Variants in LINGO2 observed in about 807,000 individuals in gnomAD.
The protein encoded by LINGO2 is leucine rich repeat and Ig domain containing 2, also known as leucine-rich repeat and immunoglobulin-like domain-containing nogo receptor-interacting protein 2.
Under a neutral mutation model 30.6 loss-of-function variants are expected in LINGO2, and 14 were observed. The observed-to-expected ratio is 0.46, with a 90% CI of 0.30 to 0.72. The LOEUF (loss-of-function observed/expected upper bound fraction) is 0.72. Among genes scored for constraint, LINGO2 ranks in the 30% least tolerant of loss-of-function variants. The probability of loss-of-function intolerance (pLI) is 0.07; values close to 1 mark genes in which losing one functional copy is unlikely to be tolerated. For synonymous variants in LINGO2, 317 were observed against 288.5 expected (o/e 1.10, Z -1.00); for missense variants, 729 against 751.7 (o/e 0.97, Z 0.35).
At chr9:28,285,398 A>ATTTTTTTTTTTTTTTTT (rs34034595) in intron 4 of LINGO2, among the ~76,000 whole-genome samples, 1 of 76,166 alleles carries the variant, frequency 1.3e-5, no homozygotes, top group Non-Finnish European at 2.3e-5. Flanking sequence ...GCCCAAGATC[A>ATTTTTTTTTTTTTTTTT]TTTTTTTTTT....
chr9:28,591,803 C>T (rs1037514759), intron 1 of LINGO2, among the ~76,000 whole-genome samples: 1 of 152,058 alleles, frequency 6.6e-6, no homozygotes. Flanking sequence ...TTATTTGATG[C>T]CTGGAGACTT....
At chr9:28,057,521 GTA>G (rs1360465792) in intron 4 of LINGO2, among the ~76,000 whole-genome samples, 1 of 94,670 alleles carries the variant, frequency 1.1e-5, no homozygotes, top group African/African-American at 3.8e-5. Context: ...ATATATGTGT[GTA>G]TATATATACA....
At chr9:28,506,479 CAT>C (rs1262674322) in intron 1 of LINGO2, among the ~76,000 whole-genome samples, 1,053 of 10,866 alleles carry the variant, frequency 0.097, 109 homozygotes, top group South Asian at 0.11. Context: ...CACACACACA[CAT>C]ACACATACAC....
the LINGO2 span, among the ~76,000 whole-genome samples, chr9:28,975,999 A>G: frequency 6.6e-6 from 1 of 152,048 alleles, no homozygotes; most frequent in African/African-American, 2.4e-5. Context: ...AGTTAACTTA[A>G]TTTTTCAGTT....
intron 1 of LINGO2, among the ~76,000 whole-genome samples, chr9:28,652,758 A>G (rs1828162690): frequency 6.6e-6 from 1 of 152,024 alleles, no homozygotes; most frequent in Admixed American, 6.6e-5. Context: ...AAAGGCATCC[A>G]TGTATGGTGG....
intron 4 of LINGO2, among the ~76,000 whole-genome samples, chr9:28,101,848 T>G (rs911705478): frequency 6.6e-6 from 1 of 152,122 alleles, no homozygotes; most frequent in African/African-American, 2.4e-5. Flanking sequence ...GAGAAAGAGT[T>G]TATGAAAAGT....
At chr9:28,862,488 A>G in the LINGO2 span, among the ~76,000 whole-genome samples, 63 of 152,256 alleles carry the variant, frequency 4.1e-4, no homozygotes, top group East Asian at 2.9e-3. Context: ...ATTTTCTTTT[A>G]TCTAACAGAA....
intron 1 of LINGO2, among the ~76,000 whole-genome samples, chr9:28,610,457 G>A (rs1424999492): frequency 1.3e-5 from 2 of 152,120 alleles, no homozygotes; most frequent in Non-Finnish European, 2.9e-5. Flanking sequence ...TTAGGAGGTG[G>A]CAGTGTTTGG....
At chr9:29,134,760 TG>T in the LINGO2 span, among the ~76,000 whole-genome samples, 1 of 152,098 alleles carries the variant, frequency 6.6e-6, no homozygotes, top group Non-Finnish European at 1.5e-5. Context: ...TTTATAACAC[TG>T]AGGAATATCC....
intron 4 of LINGO2, among the ~76,000 whole-genome samples, chr9:28,162,927 T>C (rs1263813490): frequency 6.6e-6 from 1 of 152,134 alleles, no homozygotes; most frequent in Non-Finnish European, 1.5e-5. Flanking sequence ...GGAGCAGAAG[T>C]CTGATACTAA....
chr9:28,505,040 G>A (rs1378129124), intron 1 of LINGO2, among the ~76,000 whole-genome samples: 3 of 151,840 alleles, frequency 2.0e-5, no homozygotes, highest in Non-Finnish European at 4.4e-5. Flanking sequence ...CTTGGTGTAA[G>A]CCAATTTAAG....
chr9:29,160,170 T>C, the LINGO2 span, among the ~76,000 whole-genome samples: 1 of 152,202 alleles, frequency 6.6e-6, no homozygotes, highest in Non-Finnish European at 1.5e-5. Flanking sequence ...GCTAAGGCAA[T>C]TGCATTTCAA....
chr9:29,042,897 G>A, the LINGO2 span, among the ~76,000 whole-genome samples: 1 of 151,970 alleles, frequency 6.6e-6, no homozygotes, highest in East Asian at 1.9e-4. Context: ...ATGGAGAAGA[G>A]ATTGATTAGT....
chr9:29,001,310 G>A, the LINGO2 span, among the ~76,000 whole-genome samples: 2 of 151,852 alleles, frequency 1.3e-5, no homozygotes, highest in African/African-American at 4.8e-5. Flanking sequence ...TTTCCCTCCT[G>A]TGGCTAAACA....
chr9:28,864,229 C>A, the LINGO2 span, among the ~76,000 whole-genome samples: 1 of 152,098 alleles, frequency 6.6e-6, no homozygotes, highest in Admixed American at 6.6e-5. Flanking sequence ...TACCCCTGAA[C>A]TTAAAATAAA....
chr9:28,551,453 A>C (rs954190308), intron 1 of LINGO2, among the ~76,000 whole-genome samples: 17 of 152,120 alleles, frequency 1.1e-4, no homozygotes, highest in African/African-American at 4.1e-4. Context: ...AAATAGTTTA[A>C]TAGAGGTAGG....
chr9:27,964,251 A>AT (rs1819989823), intron 5 of LINGO2, among the ~76,000 whole-genome samples: 1 of 152,116 alleles, frequency 6.6e-6, no homozygotes, highest in East Asian at 1.9e-4. Flanking sequence ...ATTATAACAT[A>AT]TTTTTTTCTA....
chr9:28,700,849 AGG>A, the LINGO2 span, among the ~76,000 whole-genome samples: 3 of 152,042 alleles, frequency 2.0e-5, no homozygotes, highest in South Asian at 2.1e-4. Context: ...CCATTCTAAT[AGG>A]TATGTAGTGG....
intron 1 of LINGO2, among the ~76,000 whole-genome samples, chr9:28,659,955 T>C (rs2136005512): frequency 6.6e-6 from 1 of 152,316 alleles, no homozygotes; most frequent in African/African-American, 2.4e-5. Context: ...ATCTTAAATG[T>C]TCTGCAGGAG....
Sources: gnomAD v4.1 joint callset for allele counts (sites outside exome capture counted in the v4.1 genomes callset) on GRCh38, gnomAD v4.1.1 for gene constraint, MANE v1.5 for transcripts, NCBI Gene and HGNC (gene_info 2026-07-23, HGNC 2026-07-21) for gene names.